Variants in PTPRD observed in about 807,000 individuals in gnomAD.
The protein encoded by PTPRD is protein tyrosine phosphatase receptor type D.
In PTPRD, 34 loss-of-function variants were observed where a neutral mutation model predicts 214.5. The ratio of observed to expected loss-of-function variants is 0.16; its 90% CI spans 0.12 to 0.21. PTPRD has a LOEUF of 0.21. Among genes scored for constraint, PTPRD ranks in the 10% least tolerant of loss-of-function variants. PTPRD has a pLI of 1.00. For synonymous variants in PTPRD, 1,128 were observed against 845.7 expected (o/e 1.33, Z -5.79); for missense variants, 2,545 against 2,398.7 (o/e 1.06, Z -1.27).
intron 9 of PTPRD, among the ~76,000 whole-genome samples, chr9:9,325,351 A>T (rs1258615958): frequency 1.3e-5 from 2 of 151,616 alleles, no homozygotes; most frequent in Non-Finnish European, 2.9e-5. Flanking sequence ...ATTTGTTTGT[A>T]TCCTTTTTTA....
chr9:10,517,656 A>T (rs1443488517), intron 2 of PTPRD, among the ~76,000 whole-genome samples: 2 of 152,078 alleles, frequency 1.3e-5, no homozygotes, highest in African/African-American at 4.8e-5. Flanking sequence ...GTCTATATAC[A>T]TATATACATT....
At chr9:8,710,432 A>G (rs1565466592) in intron 12 of PTPRD, among the ~76,000 whole-genome samples, 1 of 152,142 alleles carries the variant, frequency 6.6e-6, no homozygotes, top group Non-Finnish European at 1.5e-5. Context: ...CCTGGGCAAC[A>G]TGGCAAAACC....
chr9:9,150,861 G>A (rs925313832), intron 10 of PTPRD, among the ~76,000 whole-genome samples: 1 of 152,162 alleles, frequency 6.6e-6, no homozygotes, highest in Admixed American at 6.5e-5. Context: ...GATAAAACAA[G>A]TAAGTTCAGT....
chr9:10,134,393 G>A lies in PTPRD; in HGVS notation c.-544-100603C>T, dbSNP rs896709519. Among the ~76,000 whole-genome samples the A allele has an allele frequency of 5.9e-5, 9 of 152,138 alleles. No individual in the cohort carries two copies. In the Middle Eastern group the frequency reaches 0.01, roughly 172 times the overall value. On this transcript the variant is annotated intron_variant, in intron 3 of 45. Coordinates refer to ENST00000381196, the MANE Select transcript of PTPRD (RefSeq NM_002839.4). Reference sequence around the variant, plus strand: ...CTTAATAAGGGGTTCATCTATCCCCGGCTGACCACCAACTTCCCAATGACT... The same window carrying A: ...CTTAATAAGGGGTTCATCTATCCCCAGCTGACCACCAACTTCCCAATGACT...
intron 5 of PTPRD, among the ~76,000 whole-genome samples, chr9:9,850,015 G>A (rs537568897): frequency 5.1e-4 from 77 of 152,146 alleles, no homozygotes; most frequent in African/African-American, 1.6e-3. Context: ...CACCAGAGCC[G>A]GATCATGCTT....
chr9:8,497,116 TA>T, intron 26 of PTPRD, 125 bp downstream of exon 26: 5 of 822,756 alleles, frequency 6.1e-6, no homozygotes, highest in Non-Finnish European at 9.4e-6. Context: ...GAAGATAACT[TA>T]AAAATAATTT....
At chr9:8,550,614 C>T (rs1403764862) in intron 14 of PTPRD, among the ~76,000 whole-genome samples, 2 of 152,090 alleles carry the variant, frequency 1.3e-5, no homozygotes, top group African/African-American at 4.8e-5. Context: ...AGAGTAGCAA[C>T]AAATTAAAGA....
chr9:9,077,074 A>G (rs149186085), intron 10 of PTPRD, among the ~76,000 whole-genome samples: 103 of 151,558 alleles, frequency 6.8e-4, no homozygotes, highest in East Asian at 1.9e-3. Context: ...ACCTTTTCAT[A>G]TACCTGTTTG....
intron 3 of PTPRD, among the ~76,000 whole-genome samples, chr9:10,184,895 C>T (rs149028544): frequency 2.1e-3 from 323 of 152,254 alleles, no homozygotes; most frequent in Non-Finnish European, 3.7e-3. Flanking sequence ...TTTTACACAT[C>T]ACACCTGAAG....
Position 8,336,156 on chromosome 9 carries a change from TC to T in PTPRD, c.5379+2765del, listed in dbSNP as rs1318984658. 1.2e-4 allele frequency among the ~76,000 whole-genome samples: 18 copies of T among 147,732 alleles called. No individual in the cohort carries two copies. The East Asian group carries it at 3.6e-3, about 29-fold the overall frequency. On this transcript the variant is annotated intron_variant, in intron 43 of 45. Coordinates refer to ENST00000381196, the MANE Select transcript of PTPRD (RefSeq NM_002839.4). ...AAAAGAGCCCACAAAGCCAAGACAA[TC>T]CTAAGCAAAAAGAACAAGGCTTGAG... is the stretch of plus-strand genomic sequence containing the variant.
intron 17 of PTPRD, chr9:8,525,286 G>A: frequency 1.7e-6 from 1 of 596,696 alleles, no homozygotes; most frequent in Non-Finnish European, 3.0e-6. Flanking sequence ...AAGACTTCTA[G>A]TCATAATTAA....
intron 11 of PTPRD, among the ~76,000 whole-genome samples, chr9:8,833,683 C>G (rs1566464832): frequency 7.8e-6 from 1 of 128,708 alleles, no homozygotes; most frequent in Non-Finnish European, 1.6e-5. Flanking sequence ...AATGAAAACT[C>G]TCTCCTCTCT....
At chr9:9,075,277 T>G (rs1177155601) in intron 10 of PTPRD, among the ~76,000 whole-genome samples, 1 of 152,100 alleles carries the variant, frequency 6.6e-6, no homozygotes, top group Non-Finnish European at 1.5e-5. Context: ...ACCTCAAACA[T>G]TTATCCTTTC....
chr9:9,772,895 G>A (rs937525646), intron 5 of PTPRD, among the ~76,000 whole-genome samples: 14 of 152,142 alleles, frequency 9.2e-5, no homozygotes, highest in South Asian at 4.1e-4. Context: ...ACACATTCAC[G>A]TATGCTGACA....
At chr9:8,469,078 T>A (rs1249657895) in intron 31 of PTPRD, among the ~76,000 whole-genome samples, 3 of 151,986 alleles carry the variant, frequency 2.0e-5, no homozygotes, top group Non-Finnish European at 4.4e-5. Context: ...CCAAAAATTT[T>A]GAATTAATAA....
At chr9:9,008,384 C>G (rs1589709519) in intron 11 of PTPRD, among the ~76,000 whole-genome samples, 1 of 151,688 alleles carries the variant, frequency 6.6e-6, no homozygotes, top group Admixed American at 6.6e-5. Flanking sequence ...CCCGCCACCA[C>G]ACCCGGCTAA....
chr9:9,753,018 C>T (rs555100237), intron 6 of PTPRD, among the ~76,000 whole-genome samples: 10 of 152,142 alleles, frequency 6.6e-5, no homozygotes, highest in South Asian at 4.2e-4. Context: ...AAACAAGCTG[C>T]CCCCTTTTCA....
chr9:8,870,074 G>T (rs1354224382), intron 11 of PTPRD, among the ~76,000 whole-genome samples: 1 of 151,664 alleles, frequency 6.6e-6, no homozygotes, highest in African/African-American at 2.4e-5. Context: ...CATACTCAGG[G>T]AGAGAATTGG....
chr9:9,071,456 T>A (rs145260853), intron 10 of PTPRD, among the ~76,000 whole-genome samples: 2 of 152,140 alleles, frequency 1.3e-5, no homozygotes, highest in East Asian at 1.9e-4. Context: ...AGATTTTACA[T>A]AGGAGAGAGT....
Sources: gnomAD v4.1 joint callset for allele counts (sites outside exome capture counted in the v4.1 genomes callset) on GRCh38, gnomAD v4.1.1 for gene constraint, MANE v1.5 for transcripts, NCBI Gene and HGNC (gene_info 2026-07-23, HGNC 2026-07-21) for gene names.